CIMIP6: variants seen among roughly 807,000 people sequenced by gnomAD.
CIMIP6 encodes uncharacterized protein C2orf73.
the CIMIP6 span, among the ~76,000 whole-genome samples, chr2:54,335,956 T>G: frequency 2.0e-5 from 3 of 152,170 alleles, no homozygotes; most frequent in Non-Finnish European, 4.4e-5. Flanking sequence ...ATAAGGACCC[T>G]TGTGATTAGA....
chr2:54,341,232 T>C, the CIMIP6 span, among the ~76,000 whole-genome samples: 1 of 152,180 alleles, frequency 6.6e-6, no homozygotes, highest in African/African-American at 2.4e-5. Flanking sequence ...TATTAAAAGG[T>C]GGGACCCTTA....
chr2:54,363,735 C>G, the CIMIP6 span, among the ~76,000 whole-genome samples: 1 of 152,074 alleles, frequency 6.6e-6, no homozygotes, highest in Non-Finnish European at 1.5e-5. Context: ...ATTTTATGGA[C>G]TTTAGAGGGC....
the CIMIP6 span, among the ~76,000 whole-genome samples, chr2:54,375,257 C>A: frequency 1.3e-5 from 2 of 151,916 alleles, no homozygotes; most frequent in Non-Finnish European, 2.9e-5. Flanking sequence ...TATTAATATT[C>A]CTAATATATA....
the CIMIP6 span, among the ~76,000 whole-genome samples, chr2:54,378,086 C>A: frequency 6.6e-6 from 1 of 152,224 alleles, no homozygotes; most frequent in African/African-American, 2.4e-5. Context: ...CATCAGGACA[C>A]AGCAGGCTGA....
the CIMIP6 span, among the ~76,000 whole-genome samples, chr2:54,355,164 A>C: frequency 2.0e-5 from 3 of 152,142 alleles, no homozygotes; most frequent in Non-Finnish European, 2.9e-5. Flanking sequence ...TAAAAAAATT[A>C]ATTATCTTGT....
chr2:54,362,925 C>T, the CIMIP6 span, among the ~76,000 whole-genome samples: 10 of 152,238 alleles, frequency 6.6e-5, no homozygotes, highest in African/African-American at 2.4e-4. Flanking sequence ...TGCTTTTCAG[C>T]CTTGTCTATT....
the CIMIP6 span, among the ~76,000 whole-genome samples, chr2:54,341,593 C>A: frequency 1.3e-5 from 2 of 152,190 alleles, no homozygotes; most frequent in African/African-American, 4.8e-5. Flanking sequence ...GTTTTGCATT[C>A]CACAGCAGGT....
At chr2:54,377,688 G>A in the CIMIP6 span, among the ~76,000 whole-genome samples, 2 of 152,158 alleles carry the variant, frequency 1.3e-5, no homozygotes, top group Non-Finnish European at 2.9e-5. Context: ...GCAGTCCATA[G>A]GTATGTTTGT....
the CIMIP6 span, chr2:54,381,695 C>T: frequency 1.8e-5 from 20 of 1,104,122 alleles, no homozygotes; most frequent in African/African-American, 2.4e-4. Context: ...CCTTCCTCAT[C>T]CTTTCACTCC....
chr2:54,360,730 TAA>T, the CIMIP6 span: 1 of 696,666 alleles, frequency 1.4e-6, no homozygotes, highest in East Asian at 3.0e-5. Flanking sequence ...ATGTTATTAA[TAA>T]GAGTGGTCTC....
the CIMIP6 span, among the ~76,000 whole-genome samples, chr2:54,366,155 G>T: frequency 1.3e-5 from 2 of 152,126 alleles, no homozygotes; most frequent in African/African-American, 2.4e-5. Context: ...CTTGTAGCTG[G>T]GTTGACTATA....
the CIMIP6 span, among the ~76,000 whole-genome samples, chr2:54,375,015 A>G: frequency 6.6e-5 from 10 of 152,208 alleles, no homozygotes; most frequent in African/African-American, 2.4e-4. Flanking sequence ...GTACCTTTTT[A>G]TGACATTAAT....
the CIMIP6 span, chr2:54,331,018 G>T: frequency 3.1e-6 from 5 of 1,613,466 alleles, no homozygotes; most frequent in Non-Finnish European, 4.2e-6. Context: ...GCTGGGGTTT[G>T]GTGTCTTATT....
At chr2:54,362,593 G>T in the CIMIP6 span, among the ~76,000 whole-genome samples, 1 of 152,206 alleles carries the variant, frequency 6.6e-6, no homozygotes, top group African/African-American at 2.4e-5. Context: ...CCAGAGCCAG[G>T]CTGGAGTGCA....
chr2:54,377,287 T>G, the CIMIP6 span, among the ~76,000 whole-genome samples: 23 of 152,192 alleles, frequency 1.5e-4, no homozygotes, highest in Admixed American at 1.2e-3. Context: ...AAAACTTAAC[T>G]GAATATCAAT....
the CIMIP6 span, among the ~76,000 whole-genome samples, chr2:54,368,980 G>A: frequency 1.3e-5 from 2 of 152,178 alleles, no homozygotes. Flanking sequence ...GAGTGAGGGA[G>A]TGAGTTCTGG....
At chr2:54,343,679 T>C in the CIMIP6 span, 10 of 1,479,838 alleles carry the variant, frequency 6.8e-6, no homozygotes, top group East Asian at 1.6e-4. Context: ...GAAAATGCCC[T>C]ACAGTATCCA....
chr2:54,366,814 C>T, the CIMIP6 span, among the ~76,000 whole-genome samples: 7 of 152,010 alleles, frequency 4.6e-5, no homozygotes, highest in Non-Finnish European at 8.8e-5. Context: ...ATATGGACAT[C>T]GTCTGACATA....
chr2:54,372,553 G>T, the CIMIP6 span, among the ~76,000 whole-genome samples: 1 of 152,282 alleles, frequency 6.6e-6, no homozygotes, highest in South Asian at 2.1e-4. Context: ...CTAAGAAGAG[G>T]TCATAAAAGT....
Sources: allele counts gnomAD v4.1 joint callset (sites outside exome capture counted in the v4.1 genomes callset), GRCh38; gene constraint gnomAD v4.1.1; transcripts MANE v1.5; gene names NCBI Gene and HGNC (gene_info 2026-07-23, HGNC 2026-07-21).